NRXN1: variants seen among roughly 807,000 people sequenced by gnomAD.
NRXN1 encodes the protein neurexin 1, also known as neurexin-1.
In NRXN1, 39 loss-of-function variants were observed where a neutral mutation model predicts 150.9. The observed-to-expected ratio is 0.26, with a 90% CI of 0.20 to 0.34. The LOEUF (loss-of-function observed/expected upper bound fraction) is 0.34. Ranked by LOEUF, NRXN1 falls within the 10% of genes least tolerant of loss-of-function variation. The pLI, the probability that NRXN1 is intolerant of heterozygous loss-of-function variation, is 1.00. For synonymous variants in NRXN1, 924 were observed against 757.0 expected (o/e 1.22, Z -3.62); for missense variants, 1,815 against 1,949.9 (o/e 0.93, Z 1.30).
chr2:50,251,009 T>A (rs2066999760), intron 17 of NRXN1, among the ~76,000 whole-genome samples: 1 of 147,920 alleles, frequency 6.8e-6, no homozygotes, highest in African/African-American at 2.5e-5. Context: ...ATTGCATATG[T>A]GTAATATTAC....
intron 21 of NRXN1, among the ~76,000 whole-genome samples, chr2:49,984,534 A>G (rs1680569421): frequency 1.3e-5 from 2 of 152,090 alleles, no homozygotes; most frequent in Admixed American, 1.3e-4. Flanking sequence ...TGGCCAGTGA[A>G]GGGGGGCTCC....
At chr2:49,980,400 A>G (rs954942367) in intron 21 of NRXN1, among the ~76,000 whole-genome samples, 6 of 152,130 alleles carry the variant, frequency 3.9e-5, no homozygotes, top group African/African-American at 1.2e-4. Context: ...GGGAAAAGCC[A>G]TATCAACAAG....
chr2:50,841,695 C>G (rs1672901912), intron 5 of NRXN1, among the ~76,000 whole-genome samples: 1 of 152,174 alleles, frequency 6.6e-6, no homozygotes, highest in Non-Finnish European at 1.5e-5. Context: ...CCACATCTAA[C>G]ATTTCTGTTA....
At chr2:50,409,901 C>T (rs139676580) in intron 17 of NRXN1, among the ~76,000 whole-genome samples, 315 of 152,152 alleles carry the variant, frequency 2.1e-3, no homozygotes, top group African/African-American at 7.2e-3. Context: ...AAATAATCAT[C>T]GTTCCTTCAT....
chr2:49,919,309 A>C lies in NRXN1; in HGVS notation c.*2635T>G, dbSNP rs1667811936. 2.0e-5 allele frequency: 3 copies of C among 152,166 alleles called. No individual in the cohort carries two copies. Among genetic ancestry groups the C allele is most frequent in the African/African-American group, 7.2e-5 (3 of 41,532 alleles). The allele number at this position is 152,166 out of a possible 1,614,324, so 9.4% of individuals were successfully genotyped here. A position where few individuals can be genotyped will look rare whatever the true frequency, so the allele number is the denominator to read the frequency against. On this transcript the variant is annotated 3_prime_UTR_variant, in exon 23 of 23. Transcript: ENST00000401669. ...TCTTTTCTTTTTCCATTGAGGAAAA[A>C]ATAATTTTTGCTAGAGTTTGTGTAA...
chr2:50,422,754 C>T (rs1055283681), intron 17 of NRXN1, among the ~76,000 whole-genome samples: 18 of 152,126 alleles, frequency 1.2e-4, no homozygotes, highest in African/African-American at 4.1e-4. Flanking sequence ...CAACCAGAAC[C>T]ACAAATATAA....
intron 17 of NRXN1, among the ~76,000 whole-genome samples, chr2:50,429,133 T>C (rs562830453): frequency 6.4e-4 from 97 of 152,312 alleles, no homozygotes; most frequent in Non-Finnish European, 1.1e-3. Flanking sequence ...GTAGTCATAA[T>C]AATGGGAATA....
chr2:50,241,062 G>C (rs1012483255), intron 17 of NRXN1, among the ~76,000 whole-genome samples: 2 of 151,328 alleles, frequency 1.3e-5, no homozygotes, highest in African/African-American at 2.4e-5. Context: ...GCACAGATTA[G>C]GACTTTTATG....
intron 5 of NRXN1, among the ~76,000 whole-genome samples, chr2:50,745,814 A>T (rs1699955536): frequency 6.6e-6 from 1 of 152,112 alleles, no homozygotes; most frequent in South Asian, 2.1e-4. Flanking sequence ...GCATGGGGGA[A>T]CTACCCCCAT....
chr2:49,939,488 A>G (rs1052397838), intron 22 of NRXN1, among the ~76,000 whole-genome samples: 3 of 152,166 alleles, frequency 2.0e-5, no homozygotes, highest in Non-Finnish European at 4.4e-5. Context: ...GATCATATCA[A>G]TGTGAAGTTA....
intron 17 of NRXN1, among the ~76,000 whole-genome samples, chr2:50,411,346 G>T (rs552388709): frequency 6.6e-6 from 1 of 152,252 alleles, no homozygotes; most frequent in Admixed American, 6.5e-5. Flanking sequence ...TGCCCAGGCT[G>T]GAGTGCAGTG....
intron 21 of NRXN1, among the ~76,000 whole-genome samples, chr2:49,992,355 T>C (rs1469512626): frequency 6.6e-6 from 1 of 151,098 alleles, no homozygotes; most frequent in Non-Finnish European, 1.5e-5. Context: ...CTGGACAACA[T>C]GGTGAAACTC....
rs200878015 is a variant in NRXN1 at position 50,528,664 on chromosome 2, G to T, written c.2348-13C>A. 154 of 1,533,084 alleles carry T rather than the reference G, an allele frequency of 1.0e-4. 2 individuals are homozygous for T. Among genetic ancestry groups the T allele is most frequent in the Non-Finnish European group, 2.7e-6 (3 of 1,118,394 alleles). 95.0% of individuals were successfully genotyped at this position (1,533,084 alleles called of 1,614,324 possible). On this transcript the variant is annotated splice_polypyrimidine_tract_variant and intron_variant, in intron 11 of 22. Transcript: ENST00000401669. ...ATCCTGATACAATCTAGATGGGGAA[G>T]AATAGATGAAAAATGAAAATTCATC...
chr2:50,434,211 C>CATGG (rs754091263), intron 17 of NRXN1, among the ~76,000 whole-genome samples: 29 of 151,310 alleles, frequency 1.9e-4, no homozygotes, highest in Non-Finnish European at 3.5e-4. Flanking sequence ...AGGCGCCCGC[C>CATGG]ACCATGCCCG....
chr2:50,938,308 G>A (rs949720686), intron 2 of NRXN1, among the ~76,000 whole-genome samples: 7 of 152,088 alleles, frequency 4.6e-5, no homozygotes, highest in Admixed American at 6.6e-5. Context: ...GCATTTTTCA[G>A]GTCCATTACA....
chr2:50,301,612 C>G (rs1306186588), intron 17 of NRXN1, among the ~76,000 whole-genome samples: 2 of 152,110 alleles, frequency 1.3e-5, no homozygotes, highest in Non-Finnish European at 2.9e-5. Context: ...AAGCAATGTC[C>G]TGTAGGGTAC....
chr2:50,197,262 G>A (rs1223090637), intron 18 of NRXN1, among the ~76,000 whole-genome samples: 4 of 152,046 alleles, frequency 2.6e-5, no homozygotes, highest in African/African-American at 4.8e-5. Context: ...CTGGGAAAGA[G>A]GTCAAAAGCA....
At chr2:50,995,132 G>A (rs568441234) in intron 2 of NRXN1, among the ~76,000 whole-genome samples, 2 of 152,014 alleles carry the variant, frequency 1.3e-5, no homozygotes, top group African/African-American at 4.8e-5. Context: ...GAACTGCATT[G>A]CTTTAGGGGC....
intron 5 of NRXN1, chr2:50,918,377 G>A (rs745587379): frequency 1.4e-5 from 4 of 295,554 alleles, no homozygotes; most frequent in Non-Finnish European, 2.5e-5. Flanking sequence ...CAAAGAGAAA[G>A]ACAAGCTTTC....
Sources: allele counts gnomAD v4.1 joint callset (sites outside exome capture counted in the v4.1 genomes callset), GRCh38; gene constraint gnomAD v4.1.1; transcripts MANE v1.5; gene names NCBI Gene and HGNC (gene_info 2026-07-23, HGNC 2026-07-21).